Variants in SLC4A10 observed in about 807,000 individuals in gnomAD.
SLC4A10 encodes sodium-driven chloride bicarbonate exchanger.
Under a neutral mutation model 137.7 loss-of-function variants are expected in SLC4A10, and 42 were observed. The observed-to-expected ratio is 0.30, with a 90% CI of 0.24 to 0.39. The LOEUF (loss-of-function observed/expected upper bound fraction) is 0.39. Among genes scored for constraint, SLC4A10 ranks in the 10% least tolerant of loss-of-function variants. The pLI is 1.00. For synonymous variants in SLC4A10, 474 were observed against 464.1 expected, an observed-to-expected ratio of 1.02 and a Z score of -0.27; for missense variants, 925 against 1,355.0, an observed-to-expected ratio of 0.68 and a Z score of 4.98.
intron 4 of SLC4A10, among the ~76,000 whole-genome samples, chr2:161,851,867 T>C (rs1230501522): frequency 6.6e-6 from 1 of 152,108 alleles, no homozygotes; most frequent in Non-Finnish European, 1.5e-5. Flanking sequence ...AGTATAATTT[T>C]TGGAGATTAC....
intron 1 of SLC4A10, among the ~76,000 whole-genome samples, chr2:161,667,420 AT>A (rs1249809443): frequency 6.6e-6 from 1 of 151,676 alleles, no homozygotes; most frequent in Non-Finnish European, 1.5e-5. Context: ...GCAATAAAGT[AT>A]GATAAGACCT....
intron 2 of SLC4A10, among the ~76,000 whole-genome samples, chr2:161,783,365 G>T (rs1574946445): frequency 6.6e-6 from 1 of 151,816 alleles, no homozygotes; most frequent in Non-Finnish European, 1.5e-5. Context: ...AATGCTAAGG[G>T]AACCTCCTTA....
intron 10 of SLC4A10, among the ~76,000 whole-genome samples, chr2:161,890,575 G>A (rs1377173734): frequency 6.6e-6 from 1 of 152,016 alleles, no homozygotes; most frequent in African/African-American, 2.4e-5. Context: ...ATATTCGTTG[G>A]TTTAAAGCCT....
At chr2:161,922,033 T>A (rs1273832224) in intron 15 of SLC4A10, among the ~76,000 whole-genome samples, 1 of 152,196 alleles carries the variant, frequency 6.6e-6, no homozygotes, top group Non-Finnish European at 1.5e-5. Context: ...TTCATGGAAC[T>A]TATAGTCTGT....
intron 1 of SLC4A10, among the ~76,000 whole-genome samples, chr2:161,694,423 A>G (rs2042291471): frequency 6.6e-6 from 1 of 151,952 alleles, no homozygotes; most frequent in Non-Finnish European, 1.5e-5. Flanking sequence ...TAAAGAAGAA[A>G]TACGATAAAA....
rs778260580 is a variant in SLC4A10, at chr2:161,904,746, G to A, written c.1618-30G>A. On this transcript the variant is annotated intron_variant, in intron 13 of 26. Coordinates refer to ENST00000446997, the MANE Select transcript of SLC4A10 (RefSeq NM_001178015.2). The stretch of plus-strand genomic sequence containing the variant: ...CTACAATGGCCTCCTGTACAGCTTA[G>A]GTAATTGAACCATTTATATCTCTAC... 96 of 1,612,482 alleles carry A rather than the reference G, an allele frequency of 6.0e-5. 1 individual carries two copies. In the South Asian group the frequency reaches 1.0e-3, roughly 17 times the overall value.
rs1000487325 is a variant in SLC4A10, at chr2:161,804,653, C to T, written c.277+58C>T. On this transcript the variant is annotated intron_variant, in intron 3 of 26. Transcript: ENST00000446997. ...AATTATTGTAATATACTTGCTTATA[C>T]AATTATGATTAGGAGTAATACCTTA... 4 of 1,482,896 alleles carry T rather than the reference C, an allele frequency of 2.7e-6. No homozygotes were observed. In the African/African-American group the frequency reaches 5.6e-5, roughly 21 times the overall value. 91.9% of individuals were successfully genotyped at this position (1,482,896 alleles called of 1,614,324 possible).
chr2:161,864,043 TAC>T (rs1296084754), intron 6 of SLC4A10, among the ~76,000 whole-genome samples: 3 of 151,910 alleles, frequency 2.0e-5, no homozygotes, highest in Non-Finnish European at 2.9e-5. Flanking sequence ...CTACTAAAAA[TAC>T]AGAAAAATTA....
intron 11 of SLC4A10, among the ~76,000 whole-genome samples, chr2:161,900,339 C>T (rs1682785585): frequency 6.6e-6 from 1 of 151,942 alleles, no homozygotes; most frequent in Non-Finnish European, 1.5e-5. Flanking sequence ...AGAAAAACAC[C>T]AGCTGGAATT....
At chr2:161,930,116 G>C (rs1044343745) in intron 15 of SLC4A10, among the ~76,000 whole-genome samples, 1 of 152,040 alleles carries the variant, frequency 6.6e-6, no homozygotes, top group African/African-American at 2.4e-5. Flanking sequence ...TAGCCATCTG[G>C]TTCTGCTACA....
At chr2:161,635,963 C>T (rs2034322279) in intron 1 of SLC4A10, among the ~76,000 whole-genome samples, 1 of 152,082 alleles carries the variant, frequency 6.6e-6, no homozygotes, top group African/African-American at 2.4e-5. Context: ...CTCCATAAAG[C>T]ATCAATGATT....
intron 1 of SLC4A10, among the ~76,000 whole-genome samples, chr2:161,747,650 C>T (rs907444426): frequency 6.6e-6 from 1 of 152,072 alleles, no homozygotes; most frequent in African/African-American, 2.4e-5. Context: ...GTCTCCCCCA[C>T]CTTTTTTTTC....
chr2:161,886,867 A>G (rs1180704320), intron 10 of SLC4A10, among the ~76,000 whole-genome samples: 2 of 151,994 alleles, frequency 1.3e-5, no homozygotes, highest in Non-Finnish European at 2.9e-5. Context: ...AGGTATACAC[A>G]TGCCATGGTG....
intron 15 of SLC4A10, among the ~76,000 whole-genome samples, chr2:161,909,138 T>C (rs529200272): frequency 4.2e-4 from 62 of 147,838 alleles, no homozygotes; most frequent in African/African-American, 1.4e-3. Context: ...TGCTAAATGA[T>C]GAGTTAATGG....
chr2:161,914,546 T>C (rs1035149065), intron 15 of SLC4A10, among the ~76,000 whole-genome samples: 2 of 152,238 alleles, frequency 1.3e-5, no homozygotes, highest in African/African-American at 4.8e-5. Context: ...AACTGGTATC[T>C]TCATGGTCTA....
intron 1 of SLC4A10, among the ~76,000 whole-genome samples, chr2:161,668,609 T>C (rs576984945): frequency 1.1e-4 from 16 of 151,940 alleles, no homozygotes; most frequent in Non-Finnish European, 1.8e-4. Flanking sequence ...ATCTGGAGAT[T>C]TTTTCTTTCC....
At chr2:161,816,795 C>G (rs1307288609) in intron 3 of SLC4A10, among the ~76,000 whole-genome samples, 2 of 152,066 alleles carry the variant, frequency 1.3e-5, no homozygotes, top group African/African-American at 4.8e-5. Context: ...CATGTCCCTA[C>G]AAAGGACATG....
At chr2:161,776,845 A>C (rs1180846047) in intron 2 of SLC4A10, among the ~76,000 whole-genome samples, 2 of 144,806 alleles carry the variant, frequency 1.4e-5, no homozygotes, top group Non-Finnish European at 3.0e-5. Context: ...CCTTGCCAAC[A>C]CTTATTTTCT....
chr2:161,957,681 G>A (rs531826882), intron 20 of SLC4A10, among the ~76,000 whole-genome samples: 24 of 152,222 alleles, frequency 1.6e-4, no homozygotes, highest in Non-Finnish European at 1.6e-4. Flanking sequence ...AGTCACATAC[G>A]CAGTTTTCCA....
Sources: allele counts gnomAD v4.1 joint callset (sites outside exome capture counted in the v4.1 genomes callset), GRCh38; gene constraint gnomAD v4.1.1; transcripts MANE v1.5; gene names NCBI Gene and HGNC (gene_info 2026-07-23, HGNC 2026-07-21).